GRID1: variants seen among roughly 807,000 people sequenced by gnomAD.
GRID1 encodes glutamate ionotropic receptor delta type subunit 1.
A neutral mutation model predicts 98.0 loss-of-function variants in GRID1; 28 were observed. That is an observed-to-expected ratio of 0.29 (90% CI 0.21 to 0.39). The LOEUF (loss-of-function observed/expected upper bound fraction) is 0.39, where lower values mean the gene tolerates loss of function less well. Among genes scored for constraint, GRID1 ranks in the 10% least tolerant of loss-of-function variants. The pLI is 1.00. For synonymous variants in GRID1, 553 were observed against 538.5 expected, an observed-to-expected ratio of 1.03 and a Z score of -0.37; for missense variants, 1,111 against 1,340.5, an observed-to-expected ratio of 0.83 and a Z score of 2.67.
intron 12 of GRID1, chr10:85,708,758 T>C (rs1442868334): frequency 6.5e-6 from 1 of 153,744 alleles, no homozygotes; most frequent in Admixed American, 6.5e-5. Flanking sequence ...AGTCACTTGT[T>C]TGCAGAAGCA....
chr10:85,673,749 A>T (rs1199821067), intron 12 of GRID1, among the ~76,000 whole-genome samples: 1 of 152,242 alleles, frequency 6.6e-6, no homozygotes, highest in East Asian at 1.9e-4. Context: ...AAACCAAAAA[A>T]TTCCTGCGAC....
intron 12 of GRID1, among the ~76,000 whole-genome samples, chr10:85,660,122 C>T (rs1489481146): frequency 1.3e-5 from 2 of 152,230 alleles, no homozygotes; most frequent in Non-Finnish European, 2.9e-5. Context: ...CCACATGCCA[C>T]ATAACTTTCA....
intron 12 of GRID1, among the ~76,000 whole-genome samples, chr10:85,658,351 A>G (rs1840926718): frequency 6.6e-6 from 1 of 152,228 alleles, no homozygotes; most frequent in Non-Finnish European, 1.5e-5. Flanking sequence ...CACTTGCTTT[A>G]TACTGCTTCA....
chr10:85,854,581 A>G lies in GRID1; in HGVS notation c.1148T>C (p.Phe383Ser). The change falls in exon 8 of 16, where the codon TTT becomes TCT. Residue 383 changes from phenylalanine to serine, a missense_variant. Transcript: ENST00000327946. The part of the protein sequence containing the change: ...HITGLTGVME[F>S]REDSSNPYVQ... ...ATAGGGATTCGAACTGTCCTCCCGA[A>G]ACTCCATCACCCCAGTGAGGCCAGT... 1 of 1,613,928 alleles carries G rather than the reference A, an allele frequency of 6.2e-7. No homozygotes were observed. The highest frequency in any genetic ancestry group is 8.5e-7 in the Non-Finnish European group (1 of 1,179,778).
intron 2 of GRID1, among the ~76,000 whole-genome samples, chr10:86,357,675 A>C (rs936342670): frequency 1.3e-5 from 2 of 152,228 alleles, no homozygotes; most frequent in Non-Finnish European, 2.9e-5. Context: ...GCACCTGCAC[A>C]GGAGTGACTC....
chr10:86,115,520 T>A (rs1438840051), intron 4 of GRID1, among the ~76,000 whole-genome samples: 1 of 152,220 alleles, frequency 6.6e-6, no homozygotes, highest in East Asian at 1.9e-4. Flanking sequence ...TCCTAACTTC[T>A]TTAATCTGCC....
At chr10:86,078,977 T>C (rs1589363710) in intron 4 of GRID1, among the ~76,000 whole-genome samples, 1 of 152,278 alleles carries the variant, frequency 6.6e-6, no homozygotes, top group South Asian at 2.1e-4. Context: ...TCAACAGGCA[T>C]AAGGGAGACC....
chr10:85,645,589 C>T (rs879613692), intron 13 of GRID1: 1 of 152,198 alleles, frequency 6.6e-6, no homozygotes, highest in South Asian at 2.1e-4. Flanking sequence ...AAGGAGACCA[C>T]CAAATGGAAA....
chr10:85,829,363 C>A (rs1200313056), intron 8 of GRID1, among the ~76,000 whole-genome samples: 1 of 152,052 alleles, frequency 6.6e-6, no homozygotes, highest in Non-Finnish European at 1.5e-5. Context: ...CAGGCAAAAG[C>A]TGGAAGCATT....
intron 4 of GRID1, among the ~76,000 whole-genome samples, chr10:85,938,262 A>C (rs1841952754): frequency 6.6e-6 from 1 of 152,200 alleles, no homozygotes; most frequent in Non-Finnish European, 1.5e-5. Flanking sequence ...AGTAAGACCC[A>C]ATATTGAGGG....
chr10:86,055,813 TTCTCTC>T (rs141146400), intron 4 of GRID1, among the ~76,000 whole-genome samples: 13 of 147,344 alleles, frequency 8.8e-5, no homozygotes, highest in African/African-American at 2.3e-4. Flanking sequence ...TGTGCTCTCA[TTCTCTC>T]TCTCTCTCTC....
intron 4 of GRID1, among the ~76,000 whole-genome samples, chr10:85,974,735 G>T (rs11598575): frequency 0.13 from 19,533 of 152,088 alleles, 1,370 homozygotes; most frequent in Admixed American, 0.22. Context: ...CATGTTGAAC[G>T]CTACCTAATG....
chr10:85,654,965 A>C (rs969431644), intron 12 of GRID1, among the ~76,000 whole-genome samples: 1 of 152,206 alleles, frequency 6.6e-6, no homozygotes, highest in Non-Finnish European at 1.5e-5. Context: ...AATCATCCTG[A>C]TGAGGTCAAA....
intron 3 of GRID1, among the ~76,000 whole-genome samples, chr10:86,202,583 C>T (rs986509305): frequency 1.1e-4 from 17 of 152,234 alleles, no homozygotes; most frequent in Admixed American, 8.5e-4. Flanking sequence ...TTTCCTTTCA[C>T]TGTCATAACA....
intron 2 of GRID1, among the ~76,000 whole-genome samples, chr10:86,342,713 C>G (rs942182835): frequency 1.3e-5 from 2 of 152,210 alleles, no homozygotes; most frequent in Non-Finnish European, 2.9e-5. Flanking sequence ...CAGCCTGAGT[C>G]GGGTAGCGAG....
chr10:86,026,276 G>A (rs780809613), intron 4 of GRID1, among the ~76,000 whole-genome samples: 6 of 152,284 alleles, frequency 3.9e-5, no homozygotes, highest in South Asian at 2.1e-4. Flanking sequence ...AAACACACAC[G>A]CATACATATT....
At chr10:85,772,494 G>A (rs1842281934) in intron 8 of GRID1, among the ~76,000 whole-genome samples, 1 of 151,770 alleles carries the variant, frequency 6.6e-6, no homozygotes, top group African/African-American at 2.4e-5. Flanking sequence ...GAAGGAAATA[G>A]AGACACAAAA....
intron 4 of GRID1, among the ~76,000 whole-genome samples, chr10:85,993,268 G>T (rs1200791796): frequency 6.6e-6 from 1 of 152,122 alleles, no homozygotes; most frequent in African/African-American, 2.4e-5. Flanking sequence ...AGGTGCAGGG[G>T]CAGCTTTGGC....
intron 12 of GRID1, among the ~76,000 whole-genome samples, chr10:85,689,290 A>C (rs1479391027): frequency 6.6e-6 from 1 of 152,222 alleles, no homozygotes; most frequent in African/African-American, 2.4e-5. Context: ...CAACAAGATA[A>C]GATGTAAATG....
Sources: allele counts gnomAD v4.1 joint callset (sites outside exome capture counted in the v4.1 genomes callset), GRCh38; gene constraint gnomAD v4.1.1; transcripts MANE v1.5; gene names NCBI Gene and HGNC (gene_info 2026-07-23, HGNC 2026-07-21).